CSMD1: variants seen among roughly 807,000 people sequenced by gnomAD.
The protein encoded by CSMD1 is CUB and Sushi multiple domains 1.
A neutral mutation model predicts 417.5 loss-of-function variants in CSMD1; 213 were observed. The ratio of observed to expected loss-of-function variants is 0.51; its 90% CI spans 0.46 to 0.57. CSMD1 has a LOEUF of 0.57. Ranked by LOEUF, CSMD1 falls within the 20% of genes least tolerant of loss-of-function variation. The pLI, the probability that CSMD1 is intolerant of heterozygous loss-of-function variation, is 0.00. For missense variants in CSMD1, 6,923 were observed against 4,529.7 expected, an observed-to-expected ratio of 1.53 and a Z score of -15.17; for synonymous variants, 2,862 against 1,736.8, an observed-to-expected ratio of 1.65 and a Z score of -16.11.
intron 1 of CSMD1, among the ~76,000 whole-genome samples, chr8:4,821,837 A>G (rs1268633019): frequency 6.6e-6 from 1 of 152,174 alleles, no homozygotes; most frequent in Non-Finnish European, 1.5e-5. Context: ...CTCAGATCAG[A>G]AAAGCTGAGC....
chr8:4,224,420 C>T (rs1474057772), intron 3 of CSMD1, among the ~76,000 whole-genome samples: 1 of 152,108 alleles, frequency 6.6e-6, no homozygotes, highest in Non-Finnish European at 1.5e-5. Flanking sequence ...TTAAATACAC[C>T]TAGGAAATCT....
At chr8:3,656,162 T>G (rs1585027486) in intron 7 of CSMD1, among the ~76,000 whole-genome samples, 1 of 152,186 alleles carries the variant, frequency 6.6e-6, no homozygotes, top group African/African-American at 2.4e-5. Flanking sequence ...AAGGGCTGTA[T>G]GTACAGCTCA....
chr8:3,492,515 T>C (rs1312295666), intron 11 of CSMD1, among the ~76,000 whole-genome samples: 2 of 152,326 alleles, frequency 1.3e-5, no homozygotes, highest in South Asian at 2.1e-4. Context: ...GAAGAGAAGC[T>C]ATCTGTGGAG....
At chr8:4,590,538 T>C (rs1385305864) in intron 2 of CSMD1, among the ~76,000 whole-genome samples, 2 of 152,132 alleles carry the variant, frequency 1.3e-5, no homozygotes, top group East Asian at 1.9e-4. Flanking sequence ...CCTGGAATTA[T>C]GACACCTCTC....
At position 4,562,736 on chromosome 8, in the gene CSMD1, A is replaced by C. The variant is rs1483248768; in HGVS notation, c.302+74606T>G. Among the ~76,000 whole-genome samples the C allele has an allele frequency of 1.1e-4, 16 of 152,274 alleles. No individual in the cohort carries two copies. The South Asian group carries it at 2.7e-3, about 26-fold the overall frequency. On this transcript the variant is annotated intron_variant, in intron 2 of 69. Coordinates refer to ENST00000635120, the MANE Select transcript of CSMD1 (RefSeq NM_033225.6). ...AGAAATCCTACACTGACCTTCAGAC[A>C]GATGCATGCTGGTGGCTGTTAGCAG...
intron 5 of CSMD1, among the ~76,000 whole-genome samples, chr8:3,939,290 C>A (rs771466369): frequency 1.1e-4 from 16 of 151,908 alleles, no homozygotes; most frequent in Admixed American, 9.8e-4. Flanking sequence ...CAGAGAAATG[C>A]AAATTAAAAC....
intron 26 of CSMD1, among the ~76,000 whole-genome samples, chr8:3,233,891 C>A (rs148581091): frequency 6.6e-6 from 1 of 152,210 alleles, no homozygotes; most frequent in East Asian, 1.9e-4. Flanking sequence ...CAGCTTGAGG[C>A]ATTTTGGATC....
intron 12 of CSMD1, among the ~76,000 whole-genome samples, chr8:3,453,230 G>C (rs932704460): frequency 6.6e-6 from 1 of 152,006 alleles, no homozygotes; most frequent in Non-Finnish European, 1.5e-5. Context: ...CTTGCTAGCA[G>C]TCTATCAATT....
At chr8:3,139,273 A>G (rs1041562750) in intron 41 of CSMD1, among the ~76,000 whole-genome samples, 5 of 152,218 alleles carry the variant, frequency 3.3e-5, no homozygotes, top group African/African-American at 4.8e-5. Context: ...AATCACGGAA[A>G]GCATAGGATG....
intron 2 of CSMD1, among the ~76,000 whole-genome samples, chr8:4,530,834 C>T (rs558292134): frequency 3.3e-5 from 5 of 151,998 alleles, no homozygotes; most frequent in African/African-American, 7.2e-5. Context: ...CTATAGGCAG[C>T]GCTTTCTTTT....
At chr8:4,636,744 C>T (rs1802834284) in intron 2 of CSMD1, among the ~76,000 whole-genome samples, 1 of 152,016 alleles carries the variant, frequency 6.6e-6, no homozygotes, top group African/African-American at 2.4e-5. Context: ...CACAATTTGC[C>T]ACAAGTTGAT....
At chr8:3,714,637 T>C (rs905693804) in intron 6 of CSMD1, among the ~76,000 whole-genome samples, 2 of 149,250 alleles carry the variant, frequency 1.3e-5, no homozygotes, top group Admixed American at 6.8e-5. Flanking sequence ...GTTGGGAGGC[T>C]GAGGAACTAG....
chr8:4,946,345 G>T (rs1488722254), intron 1 of CSMD1, among the ~76,000 whole-genome samples: 1 of 152,032 alleles, frequency 6.6e-6, no homozygotes, highest in Non-Finnish European at 1.5e-5. Flanking sequence ...AATTTTTGAG[G>T]GTGCTTTAGT....
intron 27 of CSMD1, among the ~76,000 whole-genome samples, 151 bp from the exon 28 acceptor site, chr8:3,224,018 T>A (rs56287850): frequency 1.3e-5 from 2 of 152,006 alleles, no homozygotes; most frequent in African/African-American, 4.8e-5. Flanking sequence ...TCAATTATCC[T>A]GATAAAATTG....
chr8:3,881,200 T>C (rs2129120882), intron 5 of CSMD1, among the ~76,000 whole-genome samples: 1 of 152,086 alleles, frequency 6.6e-6, no homozygotes, highest in East Asian at 1.9e-4. Context: ...TCTACAAATG[T>C]ATTATATAGA....
At chr8:3,926,012 T>TACACAC (rs1491560385) in intron 5 of CSMD1, among the ~76,000 whole-genome samples, 3 of 86,230 alleles carry the variant, frequency 3.5e-5, no homozygotes, top group South Asian at 3.4e-4. Flanking sequence ...TCTATTTGTC[T>TACACAC]ATACACACAC....
intron 3 of CSMD1, among the ~76,000 whole-genome samples, chr8:4,170,501 G>C (rs1048023984): frequency 6.6e-6 from 1 of 151,882 alleles, no homozygotes; most frequent in Non-Finnish European, 1.5e-5. Flanking sequence ...TGAGATTAAT[G>C]AAATGTTATT....
At chr8:4,569,255 T>C (rs1435106307) in intron 2 of CSMD1, among the ~76,000 whole-genome samples, 1 of 152,224 alleles carries the variant, frequency 6.6e-6, no homozygotes, top group Admixed American at 6.5e-5. Flanking sequence ...TAGGTTTTCT[T>C]CTAGGGTTTT....
intron 7 of CSMD1, among the ~76,000 whole-genome samples, chr8:3,656,794 G>A (rs770294825): frequency 2.6e-5 from 4 of 152,076 alleles, no homozygotes; most frequent in Non-Finnish European, 5.9e-5. Flanking sequence ...GATGTGGTGG[G>A]CATCCCTGTA....
Sources: gnomAD v4.1 joint callset for allele counts (sites outside exome capture counted in the v4.1 genomes callset) on GRCh38, gnomAD v4.1.1 for gene constraint, MANE v1.5 for transcripts, NCBI Gene and HGNC (gene_info 2026-07-23, HGNC 2026-07-21) for gene names.